SFXN2: variants seen among roughly 807,000 people sequenced by gnomAD.
SFXN2 encodes sideroflexin 2.
Under a neutral mutation model 41.9 loss-of-function variants are expected in SFXN2, and 37 were observed. The observed-to-expected ratio is 0.88, with a 90% confidence interval of 0.68 to 1.16. SFXN2 has a LOEUF of 1.16. Ranked by LOEUF, SFXN2 falls within the 50% of genes most tolerant of loss-of-function variation. The pLI is 0.00. For missense variants in SFXN2, 386 were observed against 425.2 expected, an observed-to-expected ratio of 0.91 and a Z score of 0.81; for synonymous variants, 150 against 156.7, an observed-to-expected ratio of 0.96 and a Z score of 0.32.
intron 11 of SFXN2, among the ~76,000 whole-genome samples, chr10:102,736,250 T>C (rs1007579771): frequency 5.1e-5 from 5 of 97,636 alleles, no homozygotes; most frequent in African/African-American, 2.0e-4. Context: ...ATCTGGTTTT[T>C]AACTTTTTTT....
chr10:102,726,553 A>G, intron 1 of SFXN2, 59 bp from the exon 2 acceptor site: 1 of 1,555,150 alleles, frequency 6.4e-7, no homozygotes, highest in Non-Finnish European at 8.7e-7. Context: ...GGACGTGCTC[A>G]GGTCCTCTGT....
At chr10:102,731,013 G>A (rs1278628434) in intron 6 of SFXN2, among the ~76,000 whole-genome samples, 6 of 152,036 alleles carry the variant, frequency 3.9e-5, no homozygotes, top group South Asian at 4.2e-4. Context: ...TTGTGAACCC[G>A]GGAGGCGGAG....
At chr10:102,726,888 C>A (rs2064606159) in intron 2 of SFXN2, 91 bp downstream of exon 2, 1 of 1,582,660 alleles carries the variant, frequency 6.3e-7, no homozygotes. Flanking sequence ...AAGGAATAGG[C>A]AGAAATCTCA....
chr10:102,740,565 G>T lies in SFXN2; in HGVS notation c.*2803G>T, dbSNP rs1382178038. 6.6e-6 allele frequency: 1 copy of T among 152,178 alleles called. No homozygotes were observed. Among genetic ancestry groups the T allele is most frequent in the African/African-American group, 2.4e-5 (1 of 41,410 alleles). 9.4% of individuals were successfully genotyped at this position (152,178 alleles called of 1,614,324 possible). A position where few individuals can be genotyped will look rare whatever the true frequency, so the allele number is the denominator to read the frequency against. On this transcript the variant is annotated 3_prime_UTR_variant, in exon 12 of 12. Transcript: ENST00000369893. Reference sequence around the variant, plus strand: ...CCCCAAAAGAAACCCCATACCCATTGGCAGTCACTCCACATTCTCCCTACC... The same window carrying T: ...CCCCAAAAGAAACCCCATACCCATTTGCAGTCACTCCACATTCTCCCTACC...
rs750272480 is a variant in SFXN2 at position 102,732,237 on chromosome 10, T to C, written c.721+19T>C. ...GGGATGAGTAAGATGGGGAAGCCCT[T>C]CCATCCTGGGGAAGCCTGTGACACA... On this transcript the variant is annotated intron_variant, in intron 8 of 11. Coordinates refer to ENST00000369893, the MANE Select transcript of SFXN2 (RefSeq NM_178858.6). 1.9e-6 allele frequency: 3 copies of C among 1,611,336 alleles called. No homozygotes were observed. In the South Asian group the frequency reaches 3.3e-5, roughly 18 times the overall value.
chr10:102,736,987 T>G (rs1043589128), intron 11 of SFXN2, among the ~76,000 whole-genome samples: 1 of 151,794 alleles, frequency 6.6e-6, no homozygotes, highest in Non-Finnish European at 1.5e-5. Flanking sequence ...AAACCCCGTC[T>G]CTACTAAAAA....
chr10:102,715,967 C>T (rs2064405271), intron 1 of SFXN2, among the ~76,000 whole-genome samples: 1 of 151,570 alleles, frequency 6.6e-6, no homozygotes, highest in Admixed American at 6.6e-5. Context: ...AAATCAACAT[C>T]TGCTGCTTGC....
chr10:102,729,586 G>A, intron 5 of SFXN2, 137 bp from the exon 6 acceptor site: 2 of 1,131,202 alleles, frequency 1.8e-6, no homozygotes, highest in South Asian at 2.9e-5. Context: ...AGGGAGTTTG[G>A]GGTTCCCAGA....
At chr10:102,732,998 C>T in intron 9 of SFXN2, 90 bp downstream of exon 9, 1 of 1,320,430 alleles carries the variant, frequency 7.6e-7, no homozygotes, top group African/African-American at 1.4e-5. Flanking sequence ...CTCCCCCACC[C>T]ATCCTTCCCT....
chr10:102,727,099 A>G lies in SFXN2; in HGVS notation c.274A>G (p.Met92Val), dbSNP rs1289055250. The change falls in exon 3 of 12, where the codon ATG (methionine) becomes GTG (valine). Residue 92 changes from methionine (M) to valine (V), a missense_variant. Transcript: ENST00000369893. Reference protein sequence around the residue: ...TGEKMNVIGRMSFQLPGGMII... With the variant: ...TGEKMNVIGRVSFQLPGGMII... ...GGAGAAGATGAATGTCATCGGGCGC[A>G]TGTCTTTCCAGCTTCCTGGCGGCAT... The G allele has an allele frequency of 1.2e-6, 2 of 1,608,774 alleles. No individual in the cohort carries two copies. Among genetic ancestry groups the G allele is most frequent in the African/African-American group, 1.3e-5 (1 of 74,782 alleles).
intron 9 of SFXN2, 100 bp from the exon 10 acceptor site, chr10:102,733,454 G>T: frequency 1.0e-6 from 1 of 962,754 alleles, no homozygotes. Flanking sequence ...AGCCACCTGT[G>T]GGCTTTTCTA....
At chr10:102,716,936 A>G (rs1040714932) in intron 1 of SFXN2, among the ~76,000 whole-genome samples, 2 of 151,886 alleles carry the variant, frequency 1.3e-5, no homozygotes, top group Non-Finnish European at 2.9e-5. Context: ...CTGTTGTCCA[A>G]TCTTTGAGGA....
chr10:102,719,070 C>T (rs1361611071), intron 1 of SFXN2, among the ~76,000 whole-genome samples: 4 of 151,570 alleles, frequency 2.6e-5, no homozygotes, highest in Admixed American at 2.0e-4. Flanking sequence ...ATTACAGGCG[C>T]CTGCCACCAC....
intron 11 of SFXN2, among the ~76,000 whole-genome samples, chr10:102,736,377 C>T (rs1160899982): frequency 6.6e-6 from 1 of 151,920 alleles, no homozygotes; most frequent in African/African-American, 2.4e-5. Context: ...CTGCCTCAGC[C>T]TCCAGAGTAG....
At chr10:102,723,726 C>G (rs1376496354) in intron 1 of SFXN2, among the ~76,000 whole-genome samples, 3 of 152,196 alleles carry the variant, frequency 2.0e-5, no homozygotes, top group Non-Finnish European at 4.4e-5. Flanking sequence ...CCTACCACCA[C>G]AGACTCAGTG....
chr10:102,729,157 A>G (rs2244257), intron 4 of SFXN2, among the ~76,000 whole-genome samples, 162 bp from the exon 5 acceptor site: 149,862 of 152,354 alleles, frequency 0.98, 73,738 homozygotes, highest in East Asian at 1. Context: ...AGGGGGCTGG[A>G]GCACTGTGAG....
intron 1 of SFXN2, chr10:102,717,848 A>G: frequency 1.0e-6 from 1 of 952,994 alleles, no homozygotes; most frequent in Non-Finnish European, 1.2e-6. Flanking sequence ...CATGATCCCG[A>G]TGCTTGTGAG....
chr10:102,731,717 G>GTC lies in SFXN2; in HGVS notation c.594-5_594-4insCT. On this transcript the variant is annotated splice_polypyrimidine_tract_variant and splice_region_variant and intron_variant, in intron 6 of 11. Transcript: ENST00000369893. ...CCCAAGTCCATTAACTCCTGTCTGT[G>GTC]TTTAGGGAGCTCATAAAGGGAATCT... is the stretch of plus-strand genomic sequence containing the variant. The GTC allele has an allele frequency of 1.2e-6, 2 of 1,613,508 alleles. No homozygotes were observed. The highest frequency in any genetic ancestry group is 2.2e-5 in the South Asian group (2 of 91,024).
At chr10:102,737,559 C>T (rs1036827471) in intron 11 of SFXN2, 104 bp from the exon 12 acceptor site, 10 of 744,272 alleles carry the variant, frequency 1.3e-5, no homozygotes, top group Non-Finnish European at 2.1e-5. Flanking sequence ...AATAATAATC[C>T]TAGATGGAAA....
Sources: gnomAD v4.1 joint callset for allele counts (sites outside exome capture counted in the v4.1 genomes callset) on GRCh38, gnomAD v4.1.1 for gene constraint, MANE v1.5 for transcripts, NCBI Gene and HGNC (gene_info 2026-07-23, HGNC 2026-07-21) for gene names.